SPOCK3: variants seen among roughly 807,000 people sequenced by gnomAD.
The protein encoded by SPOCK3 is testican-3.
A neutral mutation model predicts 56.6 loss-of-function variants in SPOCK3; 30 were observed. The ratio of observed to expected loss-of-function variants is 0.53; its 90% CI spans 0.40 to 0.72. The LOEUF is 0.72. Ranked by LOEUF, SPOCK3 falls within the 30% of genes least tolerant of loss-of-function variation. The pLI is 0.00. For synonymous variants in SPOCK3, 196 were observed against 183.3 expected (o/e 1.07, Z -0.56); for missense variants, 527 against 530.0 (o/e 0.99, Z 0.06).
At chr4:166,831,454 T>G (rs1443606810) in intron 6 of SPOCK3, among the ~76,000 whole-genome samples, 2 of 152,154 alleles carry the variant, frequency 1.3e-5, no homozygotes, top group Non-Finnish European at 1.5e-5. Flanking sequence ...AATTAAATTT[T>G]ATTAAACTAT....
intron 4 of SPOCK3, among the ~76,000 whole-genome samples, chr4:166,950,472 A>T (rs1200981847): frequency 1.3e-5 from 2 of 151,830 alleles, no homozygotes; most frequent in Non-Finnish European, 2.9e-5. Flanking sequence ...TTAGACTCCC[A>T]CACATTAATA....
chr4:166,830,475 G>A (rs574262448), intron 6 of SPOCK3, among the ~76,000 whole-genome samples: 2 of 152,138 alleles, frequency 1.3e-5, no homozygotes, highest in African/African-American at 4.8e-5. Flanking sequence ...GCAGGGCGCA[G>A]TGTTTACTCC....
chr4:166,960,859 A>T (rs576504233), intron 4 of SPOCK3, among the ~76,000 whole-genome samples: 2 of 150,624 alleles, frequency 1.3e-5, no homozygotes, highest in African/African-American at 5.0e-5. Flanking sequence ...CTGGGAACTG[A>T]ATAGTTGGAA....
At chr4:166,764,732 A>G (rs191539850) in intron 7 of SPOCK3, among the ~76,000 whole-genome samples, 1 of 152,238 alleles carries the variant, frequency 6.6e-6, no homozygotes, top group East Asian at 1.9e-4. Flanking sequence ...GTCAAATGGT[A>G]TTTCTAGTTC....
intron 2 of SPOCK3, among the ~76,000 whole-genome samples, chr4:167,144,708 C>A (rs1232896657): frequency 7.4e-6 from 1 of 135,886 alleles, no homozygotes; most frequent in African/African-American, 2.8e-5. Context: ...AGGACAGAGC[C>A]ATGCAGATAT....
intron 7 of SPOCK3, among the ~76,000 whole-genome samples, chr4:166,762,463 A>G (rs1737370807): frequency 6.6e-6 from 1 of 151,996 alleles, no homozygotes; most frequent in South Asian, 2.1e-4. Context: ...TATCTACCTT[A>G]TGGCTGGCAG....
At chr4:166,950,887 C>T (rs1156453142) in intron 4 of SPOCK3, among the ~76,000 whole-genome samples, 131 of 139,306 alleles carry the variant, frequency 9.4e-4, no homozygotes, top group African/African-American at 3.2e-3. Flanking sequence ...TTGAAACCAA[C>T]GAGAACAAAG....
At chr4:167,222,675 ATATT>A (rs1225928669) in intron 2 of SPOCK3, among the ~76,000 whole-genome samples, 8 of 135,382 alleles carry the variant, frequency 5.9e-5, no homozygotes, top group African/African-American at 1.9e-4. Flanking sequence ...ACATAGATAT[ATATT>A]TATATATGAA....
intron 3 of SPOCK3, among the ~76,000 whole-genome samples, chr4:167,056,042 G>T (rs938565396): frequency 5.9e-5 from 9 of 152,162 alleles, no homozygotes; most frequent in Non-Finnish European, 1.3e-4. Flanking sequence ...AGCCAAACTG[G>T]GAGGCACCCC....
chr4:166,775,705 A>C (rs531982180), intron 7 of SPOCK3, among the ~76,000 whole-genome samples: 4 of 152,326 alleles, frequency 2.6e-5, no homozygotes, highest in South Asian at 4.1e-4. Context: ...AGGTAGACTT[A>C]GAGGGTGGCC....
At chr4:166,878,487 T>A (rs1017295430) in intron 6 of SPOCK3, among the ~76,000 whole-genome samples, 2 of 151,716 alleles carry the variant, frequency 1.3e-5, no homozygotes, top group Non-Finnish European at 2.9e-5. Flanking sequence ...ATATTTTATA[T>A]GTATATTTTA....
chr4:167,136,507 C>T (rs1763133411), intron 2 of SPOCK3, among the ~76,000 whole-genome samples: 1 of 152,042 alleles, frequency 6.6e-6, no homozygotes, highest in South Asian at 2.1e-4. Context: ...ATATTTCAGA[C>T]AAGTTTTGAA....
Position 166,836,019 on chromosome 4 carries a change from C to CA in SPOCK3, c.590-43731dup, listed in dbSNP as rs1226137145. Among the ~76,000 whole-genome samples, 12 of 151,790 alleles carry CA rather than the reference C, an allele frequency of 7.9e-5. No individual in the cohort carries two copies. The South Asian group carries it at 1.2e-3, about 16-fold the overall frequency. The stretch of plus-strand genomic sequence containing the variant: ...AAAACTCTTGTCTCACACACACACA[C>CA]ACAAAAAATTCTGTTTTACTATTGA... On this transcript the variant is annotated intron_variant, in intron 6 of 10. Transcript: ENST00000357545.
intron 5 of SPOCK3, among the ~76,000 whole-genome samples, chr4:166,896,775 G>A (rs1392558148): frequency 6.6e-6 from 1 of 152,166 alleles, no homozygotes; most frequent in Admixed American, 6.6e-5. Context: ...TTTCTTAAAT[G>A]TGCAATAGAA....
intron 7 of SPOCK3, among the ~76,000 whole-genome samples, chr4:166,762,821 G>A (rs1737422880): frequency 1.3e-5 from 2 of 151,912 alleles, no homozygotes; most frequent in African/African-American, 2.4e-5. Context: ...TGAAACTGAA[G>A]ACATATGAAA....
chr4:166,977,925 C>T (rs1746137763), intron 4 of SPOCK3, among the ~76,000 whole-genome samples: 1 of 152,140 alleles, frequency 6.6e-6, no homozygotes, highest in Non-Finnish European at 1.5e-5. Flanking sequence ...ATTTTAGATT[C>T]CTATTAGTAA....
At chr4:167,106,711 T>G (rs1580310027) in intron 2 of SPOCK3, among the ~76,000 whole-genome samples, 1 of 46,330 alleles carries the variant, frequency 2.2e-5, no homozygotes, top group Non-Finnish European at 3.8e-5. Context: ...CAAAAAGTTG[T>G]TTTTTTTTTT....
At chr4:166,795,466 G>A (rs554125231) in intron 6 of SPOCK3, among the ~76,000 whole-genome samples, 69 of 152,054 alleles carry the variant, frequency 4.5e-4, no homozygotes, top group East Asian at 2.3e-3. Context: ...AATACTTTAC[G>A]TATAAAACTT....
intron 2 of SPOCK3, among the ~76,000 whole-genome samples, chr4:167,095,491 T>C (rs1759072098): frequency 6.6e-6 from 1 of 151,842 alleles, no homozygotes; most frequent in East Asian, 1.9e-4. Flanking sequence ...AGAGCAGAAA[T>C]GAAATTCAAA....
Sources: allele counts gnomAD v4.1 joint callset (sites outside exome capture counted in the v4.1 genomes callset), GRCh38; gene constraint gnomAD v4.1.1; transcripts MANE v1.5; gene names NCBI Gene and HGNC (gene_info 2026-07-23, HGNC 2026-07-21).